Variants in SPHKAP observed in about 807,000 individuals in gnomAD.
SPHKAP encodes the protein SPHK1 interactor, AKAP domain containing, also known as A-kinase anchor protein SPHKAP.
SPHKAP carries 67 observed loss-of-function variants against 137.5 expected under a neutral mutation model. That is an observed-to-expected ratio of 0.49 (90% confidence interval 0.40 to 0.60). SPHKAP has a LOEUF of 0.60. SPHKAP is among the 20% of genes least tolerant of loss of function. SPHKAP has a pLI of 0.00. For synonymous variants in SPHKAP, 813 were observed against 785.3 expected, an observed-to-expected ratio of 1.04 and a Z score of -0.59; for missense variants, 2,097 against 2,069.3, an observed-to-expected ratio of 1.01 and a Z score of -0.26.
rs1402221726 is a variant in SPHKAP, at chr2:228,080,760, A to G, written c.246+28072T>C. 8.3e-3 allele frequency among the ~76,000 whole-genome samples: 471 copies of G among 56,614 alleles called. 7 individuals carry two copies. Among genetic ancestry groups the G allele is most frequent in the African/African-American group, 0.027 (440 of 16,250 alleles). 37.1% of individuals were successfully genotyped at this position (56,614 alleles called of 152,430 possible). A position where few individuals can be genotyped will look rare whatever the true frequency, so the allele number is the denominator to read the frequency against. ...AATAAAATAAAATAAAATAAAATAA[A>G]ATAAAATAAAATAAAATAAAATAAA... On this transcript the variant is annotated intron_variant, in intron 3 of 11. Transcript: ENST00000392056.
chr2:228,119,466 C>CAT (rs1479472774), intron 2 of SPHKAP, among the ~76,000 whole-genome samples: 5 of 150,834 alleles, frequency 3.3e-5, no homozygotes, highest in African/African-American at 1.2e-4. Flanking sequence ...TACACACACA[C>CAT]ACACACTCTC....
chr2:227,998,522 G>C (rs1398460145), intron 7 of SPHKAP, among the ~76,000 whole-genome samples: 1 of 152,166 alleles, frequency 6.6e-6, no homozygotes, highest in East Asian at 1.9e-4. Flanking sequence ...ACAGTCACTT[G>C]ATCTAGTAGA....
intron 3 of SPHKAP, among the ~76,000 whole-genome samples, chr2:228,089,891 T>C (rs2106324828): frequency 6.6e-6 from 1 of 152,178 alleles, no homozygotes; most frequent in East Asian, 1.9e-4. Flanking sequence ...CCAGAGGATG[T>C]ATGGGAAAGC....
chr2:228,034,664 T>A (rs1225250246), intron 3 of SPHKAP, among the ~76,000 whole-genome samples: 1 of 152,094 alleles, frequency 6.6e-6, no homozygotes, highest in African/African-American at 2.4e-5. Context: ...CAGCAGCACA[T>A]CAAAAAGCTT....
chr2:228,006,034 C>A (rs573687328), intron 7 of SPHKAP, among the ~76,000 whole-genome samples: 4 of 152,068 alleles, frequency 2.6e-5, no homozygotes, highest in African/African-American at 9.7e-5. Flanking sequence ...TTGCTCTTCT[C>A]GAGGAGTATC....
At chr2:228,116,202 C>T (rs1698706337) in intron 2 of SPHKAP, among the ~76,000 whole-genome samples, 2 of 152,140 alleles carry the variant, frequency 1.3e-5, no homozygotes, top group African/African-American at 2.4e-5. Context: ...AAGCTGGACA[C>T]ACACAAAGGT....
At chr2:228,010,487 G>A (rs570090736) in intron 7 of SPHKAP, among the ~76,000 whole-genome samples, 46 of 152,230 alleles carry the variant, frequency 3.0e-4, no homozygotes, top group African/African-American at 1.0e-3. Flanking sequence ...AGCCGAGATC[G>A]CACCACTGCA....
intron 2 of SPHKAP, among the ~76,000 whole-genome samples, chr2:228,122,450 GAAGT>G (rs1319938616): frequency 1.3e-5 from 2 of 152,198 alleles, no homozygotes; most frequent in Non-Finnish European, 2.9e-5. Flanking sequence ...GAGGCAACGA[GAAGT>G]GAGTGGAGTT....
intron 3 of SPHKAP, among the ~76,000 whole-genome samples, chr2:228,031,653 C>G (rs1695326683): frequency 6.6e-6 from 1 of 152,200 alleles, no homozygotes; most frequent in Non-Finnish European, 1.5e-5. Flanking sequence ...CGGCCAGATA[C>G]TCCTCTGAGA....
intron 1 of SPHKAP, among the ~76,000 whole-genome samples, chr2:228,175,289 G>T (rs1290632944): frequency 6.7e-6 from 1 of 148,904 alleles, no homozygotes; most frequent in Non-Finnish European, 1.5e-5. Flanking sequence ...TGGAATAAAT[G>T]AAGGTTTTTT....
intron 2 of SPHKAP, among the ~76,000 whole-genome samples, chr2:228,119,297 G>T (rs1698829932): frequency 6.6e-6 from 1 of 152,180 alleles, no homozygotes; most frequent in Non-Finnish European, 1.5e-5. Context: ...TCATTGAAAA[G>T]ACATTCATTG....
At chr2:228,175,198 A>G (rs748543558) in intron 1 of SPHKAP, among the ~76,000 whole-genome samples, 42 of 152,142 alleles carry the variant, frequency 2.8e-4, no homozygotes, top group Non-Finnish European at 5.3e-4. Flanking sequence ...GCATGAAGTC[A>G]CAGATCCAAG....
chr2:227,986,919 C>G (rs556001009), intron 11 of SPHKAP, among the ~76,000 whole-genome samples: 1 of 152,184 alleles, frequency 6.6e-6, no homozygotes, highest in Non-Finnish European at 1.5e-5. Flanking sequence ...GACCATTAGC[C>G]ATGTGCGTGT....
At chr2:227,990,501 G>GC (rs142918473) in intron 11 of SPHKAP, among the ~76,000 whole-genome samples, 74 of 152,176 alleles carry the variant, frequency 4.9e-4, no homozygotes, top group African/African-American at 1.8e-3. Context: ...TTTGATGTTG[G>GC]CCAAGGATCT....
chr2:227,996,038 T>A (rs1693631319), intron 7 of SPHKAP: 4 of 985,234 alleles, frequency 4.1e-6, no homozygotes, highest in Non-Finnish European at 4.8e-6. Flanking sequence ...CCCGAGAGAT[T>A]ATGATTCAGT....
chr2:228,036,615 A>G (rs1439227780), intron 3 of SPHKAP, among the ~76,000 whole-genome samples: 4 of 152,100 alleles, frequency 2.6e-5, no homozygotes, highest in Non-Finnish European at 4.4e-5. Context: ...TCACAATAGC[A>G]AAGACTTGGA....
intron 3 of SPHKAP, among the ~76,000 whole-genome samples, chr2:228,092,474 T>TAC (rs1553539687): frequency 1.2e-4 from 1 of 8,232 alleles, no homozygotes; most frequent in African/African-American, 5.8e-4. Flanking sequence ...GTGCCATATA[T>TAC]ATGTATACAT....
At chr2:228,061,067 T>C (rs1696615690) in intron 3 of SPHKAP, among the ~76,000 whole-genome samples, 1 of 152,140 alleles carries the variant, frequency 6.6e-6, no homozygotes, top group South Asian at 2.1e-4. Flanking sequence ...TCGATATGTG[T>C]GCTCCAGATG....
At chr2:227,995,730 G>A in intron 7 of SPHKAP, 36 bp from the exon 8 acceptor site, 2 of 1,455,162 alleles carry the variant, frequency 1.4e-6, no homozygotes, top group African/African-American at 1.4e-5. Context: ...AAGAGAGGCA[G>A]CACACACACA....
Sources: allele counts gnomAD v4.1 joint callset (sites outside exome capture counted in the v4.1 genomes callset), GRCh38; gene constraint gnomAD v4.1.1; transcripts MANE v1.5; gene names NCBI Gene and HGNC (gene_info 2026-07-23, HGNC 2026-07-21).